ABCA13: variants seen among roughly 807,000 people sequenced by gnomAD.
ABCA13 encodes ATP binding cassette subfamily A member 13, also known as ATP-binding cassette sub-family A member 13.
Under a neutral mutation model 478.7 loss-of-function variants are expected in ABCA13, and 476 were observed. The ratio of observed to expected loss-of-function variants is 0.99; its 90% CI spans 0.92 to 1.07. ABCA13 has a LOEUF of 1.07. ABCA13 is among the 50% of genes least tolerant of loss of function. The probability of loss-of-function intolerance (pLI) is 0.00; values close to 1 mark genes in which losing one functional copy is unlikely to be tolerated. For synonymous variants in ABCA13, 2,252 were observed against 2,158.9 expected (o/e 1.04, Z -1.20); for missense variants, 6,060 against 5,910.6 (o/e 1.03, Z -0.83).
intron 45 of ABCA13, among the ~76,000 whole-genome samples, chr7:48,477,678 G>A (rs1166387568): frequency 6.9e-6 from 1 of 144,956 alleles, no homozygotes; most frequent in African/African-American, 2.6e-5. Flanking sequence ...CTCATAGGTG[G>A]GAATTGAACA....
intron 55 of ABCA13, among the ~76,000 whole-genome samples, chr7:48,566,832 T>C (rs1031508188): frequency 1.3e-5 from 2 of 152,172 alleles, no homozygotes; most frequent in Non-Finnish European, 2.9e-5. Context: ...AAATAGAGCA[T>C]GGGAAATCAC....
At chr7:48,243,749 C>T (rs1229802615) in intron 10 of ABCA13, among the ~76,000 whole-genome samples, 7 of 152,232 alleles carry the variant, frequency 4.6e-5, no homozygotes, top group African/African-American at 7.2e-5. Context: ...TCGAAATGGA[C>T]GCCAGGCACT....
At chr7:48,614,578 A>G (rs572825213) in intron 58 of ABCA13, among the ~76,000 whole-genome samples, 3 of 150,966 alleles carry the variant, frequency 2.0e-5, no homozygotes, top group African/African-American at 7.3e-5. Context: ...ATAAAGACAC[A>G]TGCACACGTA....
In ABCA13 at chr7:48,644,715, T is replaced by C; in HGVS notation, c.15042T>C (p.Asn5014=). The change falls in exon 61 of 62, where the codon AAT becomes AAC. Residue 5014 remains asparagine (N), a synonymous_variant. Transcript: ENST00000435803. ...KVIENNKTFL[N]IKHYSINQTT... The stretch of plus-strand genomic sequence containing the variant: ...TAGAGAACAATAAAACCTTCTTGAA[T>C]ATTAAGCATTATTCCATTAACCAAA... The C allele has an allele frequency of 3.7e-6, 6 of 1,608,718 alleles. No individual in the cohort carries two copies. The highest frequency in any genetic ancestry group is 5.1e-6 in the Non-Finnish European group (6 of 1,178,694).
intron 55 of ABCA13, among the ~76,000 whole-genome samples, chr7:48,535,888 A>G (rs956806213): frequency 1.3e-5 from 2 of 152,088 alleles, no homozygotes; most frequent in Non-Finnish European, 2.9e-5. Flanking sequence ...CATCAAGTCA[A>G]TTTCTGGGCA....
chr7:48,316,981 T>C (rs1004134804), intron 26 of ABCA13, among the ~76,000 whole-genome samples, 176 bp from the exon 27 acceptor site: 3 of 152,152 alleles, frequency 2.0e-5, no homozygotes, highest in South Asian at 2.1e-4. Context: ...AAATTTCAAC[T>C]TGAGGTTTGG....
At chr7:48,594,420 T>C (rs1030783932) in intron 57 of ABCA13, among the ~76,000 whole-genome samples, 5 of 152,112 alleles carry the variant, frequency 3.3e-5, no homozygotes, top group Non-Finnish European at 7.3e-5. Context: ...TCTTTTTTTT[T>C]ATAATTTTGA....
In ABCA13 at chr7:48,389,224, G is replaced by C. The variant is rs751547563; in HGVS notation, c.11654+4G>C. 7 of 1,611,080 alleles carry C rather than the reference G, an allele frequency of 4.3e-6. No individual in the cohort carries two copies. In the East Asian group the frequency reaches 1.3e-4, roughly 31 times the overall value. The stretch of plus-strand genomic sequence containing the variant: ...GTGCCGGGAAAACCACTATCATGTG[G>C]GTCCCATTTTACCCTTATCAAACAC... On this transcript the variant is annotated splice_donor_region_variant and intron_variant, in intron 37 of 61. Coordinates refer to ENST00000435803, the MANE Select transcript of ABCA13 (RefSeq NM_152701.5).
chr7:48,492,950 C>T (rs1002694616), intron 48 of ABCA13, among the ~76,000 whole-genome samples: 8 of 151,954 alleles, frequency 5.3e-5, no homozygotes, highest in Admixed American at 3.3e-4. Flanking sequence ...TGCTTGAACC[C>T]GGGAGGCAGA....
In ABCA13 at chr7:48,272,052, T is replaced by A; in HGVS notation, c.2386T>A (p.Phe796Ile). 6.2e-7 allele frequency: 1 copy of A among 1,613,746 alleles called. No homozygotes were observed. Among genetic ancestry groups the A allele is most frequent in the Non-Finnish European group, 8.5e-7 (1 of 1,179,752 alleles). ...SATDAQKLLE[F>I]GNEVIWKMQT... ...CACTGATGCTCAGAAACTCTTGGAA[T>A]TTGGCAACGAAGTGATTTGGAAAAT... Residue 796 changes from phenylalanine (F) to isoleucine (I), a missense_variant, in exon 17 of 62, where the codon TTT becomes ATT. This residue lies in a region of ABCA13 where 4,423 missense variants were observed against 4,309.1 expected (regional missense o/e 1.03). Coordinates refer to ENST00000435803, the MANE Select transcript of ABCA13 (RefSeq NM_152701.5).
chr7:48,506,533 GGGCATTTCTTTGCAAAGTGT>G, intron 49 of ABCA13, 143 bp downstream of exon 49: 1 of 899,618 alleles, frequency 1.1e-6, no homozygotes. Context: ...CACAGGACTT[GGGCATTTCTTTGCAAAGTGT>G]GAGAAAAACG....
intron 1 of ABCA13, among the ~76,000 whole-genome samples, chr7:48,185,367 T>C (rs572417417): frequency 4.0e-4 from 61 of 152,292 alleles, no homozygotes; most frequent in African/African-American, 1.4e-3. Context: ...TTGATGAAAA[T>C]TGTCTCAAGT....
intron 15 of ABCA13, among the ~76,000 whole-genome samples, chr7:48,262,976 G>A (rs1264193652): frequency 6.6e-6 from 1 of 151,940 alleles, no homozygotes; most frequent in Non-Finnish European, 1.5e-5. Context: ...ACACAGACAT[G>A]GGTAAGGTGA....
chr7:48,440,897 AC>A (rs1430076162), intron 42 of ABCA13, among the ~76,000 whole-genome samples: 1 of 152,136 alleles, frequency 6.6e-6, no homozygotes, highest in Non-Finnish European at 1.5e-5. Flanking sequence ...TTAAGAAAGA[AC>A]CCTGAAGAAA....
intron 48 of ABCA13, among the ~76,000 whole-genome samples, chr7:48,500,351 A>T (rs1442656022): frequency 6.6e-6 from 1 of 152,128 alleles, no homozygotes. Context: ...CTTTTTGCTC[A>T]GGGATCTAGG....
At chr7:48,311,128 G>A (rs1801713656) in intron 24 of ABCA13, among the ~76,000 whole-genome samples, 1 of 152,086 alleles carries the variant, frequency 6.6e-6, no homozygotes, top group South Asian at 2.1e-4. Flanking sequence ...ATGGTAAGGT[G>A]GCTGTAGGCA....
rs1267407110 is a variant in ABCA13 at position 48,273,827 on chromosome 7, A to G, written c.4161A>G (p.Thr1387=). 1 of 1,612,160 alleles carries G rather than the reference A, an allele frequency of 6.2e-7. No individual in the cohort carries two copies. The highest frequency in any genetic ancestry group is 1.3e-5 in the African/African-American group (1 of 74,912). Residue 1387 remains threonine, a synonymous_variant, in exon 17 of 62, where the codon ACA becomes ACG. Transcript: ENST00000435803. ...TLNSTFSSEN[T]ISSLKGCIVW... Reference sequence around the variant, plus strand: ...ATTCCACATTTTCCTCTGAGAACACAATTAGCAGTCTGAAAGGATGCATTG... The same window carrying G: ...ATTCCACATTTTCCTCTGAGAACACGATTAGCAGTCTGAAAGGATGCATTG...
intron 41 of ABCA13, among the ~76,000 whole-genome samples, chr7:48,419,051 G>A (rs1479123135): frequency 6.6e-6 from 1 of 152,172 alleles, no homozygotes; most frequent in Non-Finnish European, 1.5e-5. Context: ...CCAAGAGAGA[G>A]TGGGGAGGTG....
chr7:48,515,644 T>A (rs1832047729), intron 51 of ABCA13, among the ~76,000 whole-genome samples: 1 of 152,170 alleles, frequency 6.6e-6, no homozygotes, highest in African/African-American at 2.4e-5. Context: ...TCCCCATTGT[T>A]CTGCCTGTAA....
Sources: allele counts gnomAD v4.1 joint callset (sites outside exome capture counted in the v4.1 genomes callset), GRCh38; gene constraint gnomAD v4.1.1; regional missense constraint gnomAD v4.1.1; transcripts MANE v1.5; gene names NCBI Gene and HGNC (gene_info 2026-07-23, HGNC 2026-07-21).